Variants in ATP5F1B observed in about 807,000 individuals in gnomAD.
The protein encoded by ATP5F1B is ATP synthase F(1) complex subunit beta, mitochondrial.
A neutral mutation model predicts 45.9 loss-of-function variants in ATP5F1B; 17 were observed. The ratio of observed to expected loss-of-function variants is 0.37; its 90% CI spans 0.25 to 0.56. The LOEUF (loss-of-function observed/expected upper bound fraction) is 0.56. ATP5F1B is among the 20% of genes least tolerant of loss of function. The probability of loss-of-function intolerance (pLI) is 0.80; values close to 1 mark genes in which losing one functional copy is unlikely to be tolerated. For synonymous variants in ATP5F1B, 218 were observed against 256.5 expected, an observed-to-expected ratio of 0.85 and a Z score of 1.43; for missense variants, 387 against 673.2, an observed-to-expected ratio of 0.57 and a Z score of 4.70.
chr12:56,644,750 T>C (rs750496448), intron 3 of ATP5F1B, 31 bp downstream of exon 3: 1 of 1,583,702 alleles, frequency 6.3e-7, no homozygotes, highest in South Asian at 1.1e-5. Context: ...CAGAAGTTCC[T>C]TTGTGCATAG....
At chr12:56,642,358 C>A in intron 7 of ATP5F1B, 100 bp downstream of exon 7, 1 of 1,524,882 alleles carries the variant, frequency 6.6e-7, no homozygotes, top group African/African-American at 1.4e-5. Context: ...ATCTCTTGGG[C>A]TCAAGCAATC....
Position 56,643,834 on chromosome 12 carries a change from T to C in ATP5F1B, c.607+3A>G. On this transcript the variant is annotated splice_donor_region_variant and intron_variant, in intron 4 of 9. Coordinates refer to ENST00000262030, the MANE Select transcript of ATP5F1B (RefSeq NM_001686.4). ...GGAAAATATGTACCCCTTAATAACATACCAATTTTGCCACCCTTGGCATAG... is the reference window on the plus strand; with the variant it reads ...GGAAAATATGTACCCCTTAATAACACACCAATTTTGCCACCCTTGGCATAG... 1.2e-6 allele frequency: 2 copies of C among 1,614,112 alleles called. No homozygotes were observed.
rs373858412 is a variant in ATP5F1B at position 56,643,828 on chromosome 12, A to G, written c.607+9T>C. ...AGGTTTGGAAAATATGTACCCCTTA[A>G]TAACATACCAATTTTGCCACCCTTG... On this transcript the variant is annotated intron_variant, in intron 4 of 9. Transcript: ENST00000262030. 2.2e-4 allele frequency: 351 copies of G among 1,614,008 alleles called. 1 individual carries two copies. Among genetic ancestry groups the G allele is most frequent in the Admixed American group, 3.7e-4 (22 of 59,992 alleles).
At chr12:56,645,456 G>A (rs1419625344) in intron 1 of ATP5F1B, 103 bp from the exon 2 acceptor site, 1 of 1,322,586 alleles carries the variant, frequency 7.6e-7, no homozygotes. Flanking sequence ...GCCGAAGTCA[G>A]GCCTCTTTCC....
At chr12:56,644,679 A>G in intron 3 of ATP5F1B, 102 bp downstream of exon 3, 1 of 1,274,378 alleles carries the variant, frequency 7.8e-7, no homozygotes, top group Non-Finnish European at 1.1e-6. Context: ...AATCGAACGT[A>G]TCAGAAGAAA....
chr12:56,641,520 A>C (rs776302939), intron 7 of ATP5F1B, among the ~76,000 whole-genome samples: 1 of 152,116 alleles, frequency 6.6e-6, no homozygotes, highest in Non-Finnish European at 1.5e-5. Context: ...ATATATTTGA[A>C]AATGTATAGT....
chr12:56,639,316 A>G lies in ATP5F1B; in HGVS notation c.1288-9T>C, dbSNP rs762187472. ...TGGAGGGATTTGTAGTCCTATGAGA[A>G]AAAAGAAGACTGAGTTAAGTATTCT... On this transcript the variant is annotated splice_polypyrimidine_tract_variant and intron_variant, in intron 8 of 9. Transcript: ENST00000262030. 4 of 1,610,782 alleles carry G rather than the reference A, an allele frequency of 2.5e-6. No homozygotes were observed. The highest frequency in any genetic ancestry group is 4.5e-5 in the East Asian group (2 of 44,866).
intron 7 of ATP5F1B, among the ~76,000 whole-genome samples, chr12:56,642,221 C>T (rs1951517506): frequency 6.6e-6 from 1 of 152,012 alleles, no homozygotes; most frequent in Admixed American, 6.6e-5. Context: ...GGTGTCTTAA[C>T]TCCTGACCTC....
At position 56,638,206 on chromosome 12, in the gene ATP5F1B, T is replaced by A; in HGVS notation, c.*117A>T. On this transcript the variant is annotated 3_prime_UTR_variant, in exon 10 of 10. Transcript: ENST00000262030. The stretch of plus-strand genomic sequence containing the variant: ...GGGGTGTACATTTTATTGGAAACCT[T>A]AAATACTGTTCAGAAAGAATATATC... 7 of 893,306 alleles carry A rather than the reference T, an allele frequency of 7.8e-6. No homozygotes were observed. The highest frequency in any genetic ancestry group is 1.1e-5 in the Non-Finnish European group (6 of 571,350). 55.3% of individuals were successfully genotyped at this position (893,306 alleles called of 1,614,324 possible).
At chr12:56,644,307 G>A (rs1329562207) in intron 3 of ATP5F1B, among the ~76,000 whole-genome samples, 1 of 149,258 alleles carries the variant, frequency 6.7e-6, no homozygotes, top group Non-Finnish European at 1.5e-5. Flanking sequence ...ATAAGACCGA[G>A]TCTTAAAAAT....
chr12:56,645,296 C>A lies in ATP5F1B; in HGVS notation c.185G>T (p.Arg62Leu). The A allele has an allele frequency of 6.2e-7, 1 of 1,614,212 alleles. No homozygotes were observed. The highest frequency in any genetic ancestry group is 8.5e-7 in the Non-Finnish European group (1 of 1,180,022). ...PSPKAGAATG[R>L]IVAVIGAVVD... is the part of the protein sequence containing the mutation. Reference sequence around the variant, plus strand: ...CACTGCGCCAATGACCGCCACGATGCGCCCGGTGGCGGCGCCTGCTTTTGG... The same window carrying A: ...CACTGCGCCAATGACCGCCACGATGAGCCCGGTGGCGGCGCCTGCTTTTGG... The change falls in exon 2 of 10, where the codon CGC becomes CTC. Residue 62 changes from arginine to leucine, a missense_variant. By Grantham distance (102) the Arg-to-Leu change is moderately radical. Transcript: ENST00000262030.
chr12:56,645,700 A>T, intron 1 of ATP5F1B, 137 bp downstream of exon 1: 2 of 1,454,218 alleles, frequency 1.4e-6, no homozygotes, highest in Non-Finnish European at 1.9e-6. Flanking sequence ...CTTGTTCTCC[A>T]GCCATTAGAG....
chr12:56,645,649 G>T (rs866850579), intron 1 of ATP5F1B, among the ~76,000 whole-genome samples, 188 bp downstream of exon 1: 12 of 152,294 alleles, frequency 7.9e-5, no homozygotes, highest in South Asian at 2.1e-4. Flanking sequence ...TACAAAATGG[G>T]ACAGAGCTGG....
intron 1 of ATP5F1B, 63 bp downstream of exon 1, chr12:56,645,774 T>G: frequency 6.3e-7 from 1 of 1,580,334 alleles, no homozygotes; most frequent in Admixed American, 1.8e-5. Flanking sequence ...GCTACCATCG[T>G]TCCCCGGCTC....
chr12:56,643,966 G>A lies in ATP5F1B; in HGVS notation c.486-8C>T. Reference sequence around the variant, plus strand: ...GCATGAATGGGAGCAAATCTGTAAAGGTAGAAGAGAGGATAGTATCTATTC... The same window carrying A: ...GCATGAATGGGAGCAAATCTGTAAAAGTAGAAGAGAGGATAGTATCTATTC... On this transcript the variant is annotated splice_polypyrimidine_tract_variant and splice_region_variant and intron_variant, in intron 3 of 9. Coordinates refer to ENST00000262030, the MANE Select transcript of ATP5F1B (RefSeq NM_001686.4). 1 of 1,613,388 alleles carries A rather than the reference G, an allele frequency of 6.2e-7. No homozygotes were observed. The highest frequency in any genetic ancestry group is 8.5e-7 in the Non-Finnish European group (1 of 1,179,826).
Position 56,643,820 on chromosome 12 carries a change from AC to A in ATP5F1B, c.607+16del. ...CCCATATTAGGTTTGGAAAATATGT[AC>A]CCCTTAATAACATACCAATTTTGCC... is the stretch of plus-strand genomic sequence containing the variant. On this transcript the variant is annotated intron_variant, in intron 4 of 9. Coordinates refer to ENST00000262030, the MANE Select transcript of ATP5F1B (RefSeq NM_001686.4). The A allele has an allele frequency of 6.2e-7, 1 of 1,614,062 alleles. No homozygotes were observed. Among genetic ancestry groups the A allele is most frequent in the Non-Finnish European group, 8.5e-7 (1 of 1,179,948 alleles).
rs1236940897 is a variant in ATP5F1B, at chr12:56,642,442, A to G, written c.1074+16T>C. ...CTTTATACAAATCAGATCTTCATCT[A>G]TGTAATTTTTCTTACCTGTACAGAG... is the stretch of plus-strand genomic sequence containing the variant. On this transcript the variant is annotated intron_variant, in intron 7 of 9. Transcript: ENST00000262030. 7.4e-6 allele frequency: 12 copies of G among 1,613,308 alleles called. No homozygotes were observed. The highest frequency in any genetic ancestry group is 1.0e-5 in the Non-Finnish European group (12 of 1,179,958).
chr12:56,642,236 T>G (rs1057125217), intron 7 of ATP5F1B, among the ~76,000 whole-genome samples: 2 of 152,052 alleles, frequency 1.3e-5, no homozygotes, highest in African/African-American at 4.8e-5. Flanking sequence ...GACCTCATGA[T>G]CCGCGTACCT....
At position 56,645,308 on chromosome 12, in the gene ATP5F1B, G is replaced by C. The variant is rs1951541437; in HGVS notation, c.173C>G (p.Ala58Gly). The C allele has an allele frequency of 6.2e-7, 1 of 1,614,178 alleles. No individual in the cohort carries two copies. The highest frequency in any genetic ancestry group is 8.5e-7 in the Non-Finnish European group (1 of 1,180,016). ...GACCGCCACGATGCGCCCGGTGGCGGCGCCTGCTTTTGGCGAAGGAGATGT... is the reference window on the plus strand; with the variant it reads ...GACCGCCACGATGCGCCCGGTGGCGCCGCCTGCTTTTGGCGAAGGAGATGT... Reference protein sequence around the residue: ...AQTSPSPKAGAATGRIVAVIG... With the variant: ...AQTSPSPKAGGATGRIVAVIG... The change falls in exon 2 of 10, where the codon GCC becomes GGC. Residue 58 changes from alanine to glycine, a missense_variant. By Grantham distance (60) the Ala-to-Gly change is moderately conservative. Transcript: ENST00000262030.
Sources: allele counts gnomAD v4.1 joint callset (sites outside exome capture counted in the v4.1 genomes callset), GRCh38; gene constraint gnomAD v4.1.1; transcripts MANE v1.5; gene names NCBI Gene and HGNC (gene_info 2026-07-23, HGNC 2026-07-21).